PRKX: variants seen among roughly 807,000 people sequenced by gnomAD.
PRKX encodes the protein cAMP-dependent protein kinase catalytic subunit PRKX.
In PRKX, 12 loss-of-function variants were observed where a neutral mutation model predicts 22.0. The observed-to-expected ratio is 0.54, with a 90% confidence interval of 0.35 to 0.88. PRKX has a LOEUF of 0.88. Among genes scored for constraint, PRKX ranks in the 40% least tolerant of loss-of-function variants. PRKX has a pLI of 0.01. For missense variants in PRKX, 217 were observed against 308.0 expected, an observed-to-expected ratio of 0.70 and a Z score of 2.21; for synonymous variants, 134 against 137.7, an observed-to-expected ratio of 0.97 and a Z score of 0.19.
chrX:3,701,275 A>ATTTT (rs200514701), intron 1 of PRKX, among the ~76,000 whole-genome samples: 5,730 of 110,418 alleles, frequency 0.052, 163 homozygotes, highest in East Asian at 0.13. Flanking sequence ...CACACGGCTG[A>ATTTT]TTTTATTTTT....
intron 4 of PRKX, among the ~76,000 whole-genome samples, chrX:3,633,224 A>C (rs1467158029): frequency 3.1e-5 from 3 of 97,828 alleles, no homozygotes; most frequent in African/African-American, 1.1e-4. Context: ...CTGCATTCCA[A>C]TCTGGACACA....
At chrX:3,677,957 T>C (rs1217016757) in intron 1 of PRKX, among the ~76,000 whole-genome samples, 1 of 112,258 alleles carries the variant, frequency 8.9e-6, no homozygotes, top group African/African-American at 3.2e-5. Flanking sequence ...AATTTGGAAA[T>C]AAAATAGGTT....
intron 2 of PRKX, among the ~76,000 whole-genome samples, chrX:3,668,578 C>T (rs1927783211): frequency 8.9e-6 from 1 of 111,954 alleles, no homozygotes; most frequent in Admixed American, 9.5e-5. Flanking sequence ...GAGGTTCTGG[C>T]ATGAACTCCT....
At chrX:3,611,779 A>G (rs1469708947) in intron 8 of PRKX, among the ~76,000 whole-genome samples, 2 of 111,900 alleles carry the variant, frequency 1.8e-5, no homozygotes, top group African/African-American at 6.5e-5. Context: ...TTTTTTAACC[A>G]AAGGAGACCT....
intron 2 of PRKX, among the ~76,000 whole-genome samples, chrX:3,661,596 G>GAAA (rs11408481): frequency 4.1e-5 from 4 of 97,740 alleles, no homozygotes; most frequent in Non-Finnish European, 8.2e-5. Context: ...ACCCTATCTG[G>GAAA]AAAAAAAAAA....
chrX:3,660,403 T>A (rs1927570856), intron 2 of PRKX, among the ~76,000 whole-genome samples: 1 of 111,921 alleles, frequency 8.9e-6, no homozygotes, highest in Non-Finnish European at 1.9e-5. Context: ...CAACTGTTAA[T>A]TTGGTTGAAG....
At chrX:3,704,088 C>T (rs1334432628) in intron 1 of PRKX, among the ~76,000 whole-genome samples, 3 of 112,026 alleles carry the variant, frequency 2.7e-5, no homozygotes, top group African/African-American at 9.7e-5. Context: ...TCACCCAACA[C>T]AGCACAGAAT....
Position 3,655,402 on chromosome X carries a change from A to T in PRKX, c.346T>A (p.Trp116Arg). 8.2e-7 allele frequency: 1 copy of T among 1,212,354 alleles called. No individual in the cohort carries two copies. ...ATGTAGAGGAAGCGCTCGTCATGCC[A>T]CGTCCAGAACCTGCGGGGACAGACA... is the stretch of plus-strand genomic sequence containing the variant. The part of the protein sequence containing the change: ...HPFLIRLFWT[W>R]HDERFLYMLM... Residue 116 changes from tryptophan (W) to arginine (R), a missense_variant, in exon 3 of 9, where the codon TGG becomes AGG. Trp to Arg is a moderately radical substitution (Grantham distance 101, BLOSUM62 -3). Transcript: ENST00000262848.
intron 4 of PRKX, among the ~76,000 whole-genome samples, chrX:3,638,838 A>G (rs371149583): frequency 9.3e-6 from 1 of 107,883 alleles, no homozygotes; most frequent in East Asian, 3.0e-4. Context: ...TTACATAGAA[A>G]GACAGATGAT....
chrX:3,674,411 G>C (rs1287605883), intron 2 of PRKX, among the ~76,000 whole-genome samples, 187 bp downstream of exon 2: 2 of 111,557 alleles, frequency 1.8e-5, no homozygotes, highest in African/African-American at 6.5e-5. Flanking sequence ...GTCAGCCATG[G>C]AGGTCAGGAG....
intron 1 of PRKX, among the ~76,000 whole-genome samples, chrX:3,684,241 G>C (rs1430380410): frequency 2.7e-5 from 3 of 112,254 alleles, no homozygotes; most frequent in African/African-American, 9.8e-5. Flanking sequence ...AACAGAGCGA[G>C]ACTCCGTCTC....
At chrX:3,654,060 T>C (rs1247152245) in intron 3 of PRKX, among the ~76,000 whole-genome samples, 1 of 83,322 alleles carries the variant, frequency 1.2e-5, no homozygotes, top group East Asian at 3.4e-4. Context: ...TATTATATAG[T>C]ATAATATACT....
chrX:3,637,070 A>AAG (rs1926904837), intron 4 of PRKX, among the ~76,000 whole-genome samples: 1 of 84,373 alleles, frequency 1.2e-5, no homozygotes, highest in Non-Finnish European at 2.5e-5. Flanking sequence ...GGAAGGAGAG[A>AAG]GAGAGAGAGA....
At chrX:3,694,524 G>T (rs1928406303) in intron 1 of PRKX, among the ~76,000 whole-genome samples, 1 of 111,147 alleles carries the variant, frequency 9.0e-6, no homozygotes, top group Non-Finnish European at 1.9e-5. Context: ...GCCCAGGGAT[G>T]CCTGGAGCCC....
At chrX:3,684,670 G>A (rs915856823) in intron 1 of PRKX, among the ~76,000 whole-genome samples, 1 of 110,976 alleles carries the variant, frequency 9.0e-6, no homozygotes, top group African/African-American at 3.3e-5. Context: ...AGTCCTGGAG[G>A]CTGGAAGTCG....
At chrX:3,651,272 T>C (rs1213734921) in intron 3 of PRKX, among the ~76,000 whole-genome samples, 2 of 112,465 alleles carry the variant, frequency 1.8e-5, no homozygotes, top group Non-Finnish European at 3.7e-5. Context: ...CTGCATGTTA[T>C]ATACGAAACC....
chrX:3,702,994 G>A (rs1016396916), intron 1 of PRKX, among the ~76,000 whole-genome samples: 1 of 110,142 alleles, frequency 9.1e-6, no homozygotes, highest in African/African-American at 3.4e-5. Flanking sequence ...AAGCCCAGCC[G>A]TATTTTTCAA....
chrX:3,641,115 C>A (rs1462849683), intron 4 of PRKX, among the ~76,000 whole-genome samples: 1 of 111,921 alleles, frequency 8.9e-6, no homozygotes, highest in African/African-American at 3.2e-5. Flanking sequence ...CTCAGGGCTG[C>A]TCTGCCTAAG....
intron 1 of PRKX, among the ~76,000 whole-genome samples, chrX:3,689,964 A>C (rs138240737): frequency 4.5e-5 from 5 of 111,208 alleles, no homozygotes; most frequent in Admixed American, 9.6e-5. Context: ...GTGACAGAGC[A>C]AGACTCTGTC....
Sources: allele counts gnomAD v4.1 joint callset (sites outside exome capture counted in the v4.1 genomes callset), GRCh38; gene constraint gnomAD v4.1.1; transcripts MANE v1.5; gene names NCBI Gene and HGNC (gene_info 2026-07-23, HGNC 2026-07-21).